The following TAFA1 variants were observed in gnomAD, a reference collection of about 807,000 sequenced individuals.
The protein encoded by TAFA1 is TAFA chemokine like family member 1.
Under a neutral mutation model 18.5 loss-of-function variants are expected in TAFA1, and 4 were observed. The ratio of observed to expected loss-of-function variants is 0.22; its 90% CI spans 0.11 to 0.49. The LOEUF (loss-of-function observed/expected upper bound fraction) is 0.49. Ranked by LOEUF, TAFA1 falls within the 20% of genes least tolerant of loss-of-function variation. The probability of loss-of-function intolerance (pLI) is 0.98; values close to 1 mark genes in which losing one functional copy is unlikely to be tolerated. For missense variants in TAFA1, 147 were observed against 169.0 expected, an observed-to-expected ratio of 0.87 and a Z score of 0.72; for synonymous variants, 56 against 55.2, an observed-to-expected ratio of 1.01 and a Z score of -0.06.
chr3:68,023,390 A>G lies in TAFA1; in HGVS notation c.118+16646A>G, dbSNP rs115679875. 2.6e-3 allele frequency among the ~76,000 whole-genome samples: 397 copies of G among 152,254 alleles called. 2 individuals carry two copies. Among genetic ancestry groups the G allele is most frequent in the African/African-American group, 9.2e-3 (382 of 41,554 alleles). ...AAAAGGAGAGTTTTGTAGGTTCAAC[A>G]TCAAATAAATGCCTTGACTTGGAAG... is the stretch of plus-strand genomic sequence containing the variant. On this transcript the variant is annotated intron_variant, in intron 2 of 4. Transcript: ENST00000478136.
At chr3:68,217,109 T>C (rs1289063763) in intron 2 of TAFA1, among the ~76,000 whole-genome samples, 2 of 152,052 alleles carry the variant, frequency 1.3e-5, no homozygotes, top group Non-Finnish European at 2.9e-5. Context: ...AACTTTCCAA[T>C]AGAGAAACCT....
At chr3:68,123,586 T>C (rs771538600) in intron 2 of TAFA1, among the ~76,000 whole-genome samples, 1 of 152,138 alleles carries the variant, frequency 6.6e-6, no homozygotes, top group Non-Finnish European at 1.5e-5. Context: ...CTGCCCTTGA[T>C]AGTTTTCATT....
At chr3:68,325,837 A>C (rs1326092767) in intron 2 of TAFA1, among the ~76,000 whole-genome samples, 1 of 152,128 alleles carries the variant, frequency 6.6e-6, no homozygotes, top group Non-Finnish European at 1.5e-5. Context: ...CCCCCTTTTT[A>C]AGTGAGAAAG....
At chr3:68,040,998 C>T (rs899584199) in intron 2 of TAFA1, among the ~76,000 whole-genome samples, 1 of 152,138 alleles carries the variant, frequency 6.6e-6, no homozygotes, top group African/African-American at 2.4e-5. Flanking sequence ...CTCTAAGATA[C>T]GTAACATTGT....
At chr3:68,406,202 A>G (rs1037422471) in intron 2 of TAFA1, among the ~76,000 whole-genome samples, 2 of 152,304 alleles carry the variant, frequency 1.3e-5, no homozygotes, top group East Asian at 3.9e-4. Context: ...AAAAATTAGT[A>G]TAGCCAGAGG....
chr3:68,473,346 A>G (rs2072036319), intron 3 of TAFA1, among the ~76,000 whole-genome samples: 1 of 152,324 alleles, frequency 6.6e-6, no homozygotes, highest in African/African-American at 2.4e-5. Context: ...GATTGATTAC[A>G]GTGATTATTA....
chr3:68,517,028 C>T (rs2072932313), intron 3 of TAFA1, among the ~76,000 whole-genome samples: 1 of 152,172 alleles, frequency 6.6e-6, no homozygotes, highest in Non-Finnish European at 1.5e-5. Context: ...CCCACCTCGG[C>T]CTCCCAAAGT....
At chr3:68,377,148 C>T (rs749058977) in intron 2 of TAFA1, among the ~76,000 whole-genome samples, 1 of 152,074 alleles carries the variant, frequency 6.6e-6, no homozygotes, top group Non-Finnish European at 1.5e-5. Flanking sequence ...TAAAGTTGTA[C>T]CACAGAGAGT....
intron 3 of TAFA1, among the ~76,000 whole-genome samples, chr3:68,472,512 AC>A (rs1308683705): frequency 2.6e-5 from 4 of 151,774 alleles, no homozygotes; most frequent in African/African-American, 9.7e-5. Flanking sequence ...ATACACACAC[AC>A]ACACACACAC....
At chr3:68,094,962 G>T (rs1298219448) in intron 2 of TAFA1, among the ~76,000 whole-genome samples, 1 of 152,140 alleles carries the variant, frequency 6.6e-6, no homozygotes, top group Non-Finnish European at 1.5e-5. Context: ...TCATCTTGTA[G>T]AATAACTGTT....
intron 2 of TAFA1, among the ~76,000 whole-genome samples, chr3:68,112,609 T>C (rs1178126253): frequency 6.6e-6 from 1 of 152,156 alleles, no homozygotes; most frequent in Non-Finnish European, 1.5e-5. Context: ...TATTTTTTAA[T>C]GTTGTATCCT....
At chr3:68,324,743 C>T (rs1334554385) in intron 2 of TAFA1, among the ~76,000 whole-genome samples, 1 of 152,104 alleles carries the variant, frequency 6.6e-6, no homozygotes, top group Non-Finnish European at 1.5e-5. Context: ...ATTACTTTTG[C>T]ACCAACTTGT....
chr3:68,067,344 A>G (rs2064692611), intron 2 of TAFA1, among the ~76,000 whole-genome samples: 1 of 152,112 alleles, frequency 6.6e-6, no homozygotes, highest in South Asian at 2.1e-4. Context: ...AAATATATTC[A>G]TAGTTTCTCA....
At chr3:68,331,856 CTTTTTTTTTTTTT>C (rs60291932) in intron 2 of TAFA1, among the ~76,000 whole-genome samples, 17 of 76,198 alleles carry the variant, frequency 2.2e-4, no homozygotes, top group Non-Finnish European at 3.9e-4. Flanking sequence ...CTTTTCTTTT[CTTTTTTTTTTTTT>C]TTTTTTTTTT....
At chr3:68,316,573 G>A (rs1418419060) in intron 2 of TAFA1, among the ~76,000 whole-genome samples, 1 of 152,090 alleles carries the variant, frequency 6.6e-6, no homozygotes, top group African/African-American at 2.4e-5. Flanking sequence ...GGAAAGTAAT[G>A]GGTCCAGAAA....
intron 2 of TAFA1, among the ~76,000 whole-genome samples, chr3:68,282,216 G>A (rs2067910773): frequency 6.6e-6 from 1 of 152,090 alleles, no homozygotes; most frequent in African/African-American, 2.4e-5. Context: ...GGGATTATGG[G>A]AACTATAAAT....
At chr3:68,490,809 T>C (rs1408649453) in intron 3 of TAFA1, among the ~76,000 whole-genome samples, 1 of 151,864 alleles carries the variant, frequency 6.6e-6, no homozygotes, top group African/African-American at 2.4e-5. Context: ...ACAAAGTTAT[T>C]TAGAATCCTC....
chr3:68,231,344 ATTTTTTTTTT>A (rs1175174572), intron 2 of TAFA1, among the ~76,000 whole-genome samples: 1 of 79,852 alleles, frequency 1.3e-5, no homozygotes, highest in African/African-American at 5.1e-5. Flanking sequence ...AATCTATTTG[ATTTTTTTTTT>A]TTTTTTTTTT....
At chr3:68,231,799 T>C (rs2107117261) in intron 2 of TAFA1, among the ~76,000 whole-genome samples, 1 of 152,320 alleles carries the variant, frequency 6.6e-6, no homozygotes, top group East Asian at 1.9e-4. Flanking sequence ...CTTTAGGGCC[T>C]TTCCATCATC....
Sources: gnomAD v4.1 joint callset for allele counts (sites outside exome capture counted in the v4.1 genomes callset) on GRCh38, gnomAD v4.1.1 for gene constraint, MANE v1.5 for transcripts, NCBI Gene and HGNC (gene_info 2026-07-23, HGNC 2026-07-21) for gene names.